Variants in PIBF1 observed in about 807,000 individuals in gnomAD.
The protein encoded by PIBF1 is progesterone immunomodulatory binding factor 1, also known as progesterone-induced-blocking factor 1.
A neutral mutation model predicts 112.5 loss-of-function variants in PIBF1; 90 were observed. The observed-to-expected ratio is 0.80, with a 90% CI of 0.67 to 0.95. PIBF1 has a LOEUF of 0.95. Among genes scored for constraint, PIBF1 ranks in the 40% least tolerant of loss-of-function variants. The probability of loss-of-function intolerance (pLI) is 0.00; values close to 1 mark genes in which losing one functional copy is unlikely to be tolerated. For synonymous variants in PIBF1, 301 were observed against 288.6 expected, an observed-to-expected ratio of 1.04 and a Z score of -0.44; for missense variants, 915 against 852.3, an observed-to-expected ratio of 1.07 and a Z score of -0.92.
chr13:72,949,803 T>A (rs536727256), intron 14 of PIBF1, among the ~76,000 whole-genome samples: 1 of 152,352 alleles, frequency 6.6e-6, no homozygotes, highest in Non-Finnish European at 1.5e-5. Flanking sequence ...ATTATTTTTT[T>A]AACACTGTTT....
At chr13:72,814,058 G>T (rs1233405197) in intron 5 of PIBF1, among the ~76,000 whole-genome samples, 1 of 152,124 alleles carries the variant, frequency 6.6e-6, no homozygotes, top group East Asian at 1.9e-4. Context: ...ACAGTGTTCT[G>T]TTAAAAGAAA....
intron 14 of PIBF1, among the ~76,000 whole-genome samples, chr13:72,942,610 A>T (rs1392634640): frequency 6.6e-6 from 1 of 152,222 alleles, no homozygotes; most frequent in Non-Finnish European, 1.5e-5. Flanking sequence ...AACAGCAATT[A>T]TAAGATGTAT....
At chr13:72,884,259 T>G (rs2039757557) in intron 10 of PIBF1, among the ~76,000 whole-genome samples, 1 of 152,228 alleles carries the variant, frequency 6.6e-6, no homozygotes, top group Non-Finnish European at 1.5e-5. Context: ...CTACACACCC[T>G]GATAGGCATC....
chr13:72,968,856 C>T (rs1323759906), intron 15 of PIBF1, among the ~76,000 whole-genome samples: 1 of 151,660 alleles, frequency 6.6e-6, no homozygotes, highest in Non-Finnish European at 1.5e-5. Flanking sequence ...ATGGCAAAAC[C>T]ATGTTTGGTT....
intron 14 of PIBF1, among the ~76,000 whole-genome samples, chr13:72,947,978 A>G (rs1374123068): frequency 6.6e-6 from 1 of 152,026 alleles, no homozygotes; most frequent in Non-Finnish European, 1.5e-5. Context: ...TAACACAGGA[A>G]CAGAAAACCA....
chr13:72,820,405 G>A (rs1296708253), intron 5 of PIBF1, among the ~76,000 whole-genome samples: 1 of 152,088 alleles, frequency 6.6e-6, no homozygotes, highest in Non-Finnish European at 1.5e-5. Context: ...TGATCTTTCG[G>A]GAGGTGATAG....
At chr13:72,930,667 C>A (rs779809198) in intron 13 of PIBF1, among the ~76,000 whole-genome samples, 1 of 152,010 alleles carries the variant, frequency 6.6e-6, no homozygotes, top group Non-Finnish European at 1.5e-5. Context: ...TTTTATATAT[C>A]TTTTTCATCT....
intron 9 of PIBF1, among the ~76,000 whole-genome samples, chr13:72,837,845 G>A (rs748693964): frequency 2.6e-5 from 4 of 152,004 alleles, no homozygotes; most frequent in Admixed American, 6.6e-5. Context: ...ATTTGCTTTT[G>A]CACTTAGTTG....
intron 10 of PIBF1, among the ~76,000 whole-genome samples, chr13:72,861,032 G>A (rs967171616): frequency 8.5e-5 from 13 of 152,074 alleles, no homozygotes; most frequent in African/African-American, 3.1e-4. Flanking sequence ...TGTTACATTC[G>A]TGGGCTACTA....
intron 9 of PIBF1, among the ~76,000 whole-genome samples, chr13:72,845,993 C>T (rs1485386813): frequency 6.6e-6 from 1 of 152,152 alleles, no homozygotes; most frequent in Non-Finnish European, 1.5e-5. Context: ...CTCCTGGGAA[C>T]ACAATCTTTA....
intron 5 of PIBF1, among the ~76,000 whole-genome samples, chr13:72,815,433 A>G (rs2036221489): frequency 6.6e-6 from 1 of 152,230 alleles, no homozygotes; most frequent in African/African-American, 2.4e-5. Context: ...CATCTCTAGC[A>G]AGAAAAGAAA....
intron 13 of PIBF1, among the ~76,000 whole-genome samples, chr13:72,928,053 A>G (rs1003964981): frequency 6.9e-6 from 1 of 145,124 alleles, no homozygotes; most frequent in Non-Finnish European, 1.5e-5. Context: ...ATACATATAT[A>G]TATGAGGAAA....
chr13:72,926,971 AT>A (rs2041504593), intron 13 of PIBF1, among the ~76,000 whole-genome samples: 1 of 151,624 alleles, frequency 6.6e-6, no homozygotes, highest in African/African-American at 2.4e-5. Context: ...GTTCATGAAT[AT>A]TTTTCGAATG....
intron 17 of PIBF1, among the ~76,000 whole-genome samples, chr13:73,005,232 A>G (rs2043994751): frequency 6.6e-6 from 1 of 152,000 alleles, no homozygotes; most frequent in African/African-American, 2.4e-5. Flanking sequence ...ATTTTACCAC[A>G]ATCTTCTTTT....
chr13:72,818,463 C>T (rs933642364), intron 5 of PIBF1, among the ~76,000 whole-genome samples: 2 of 152,054 alleles, frequency 1.3e-5, no homozygotes, highest in Non-Finnish European at 2.9e-5. Flanking sequence ...TCTTATAGCC[C>T]ACATTTGGTT....
At chr13:72,940,833 A>G (rs1387676017) in intron 14 of PIBF1, among the ~76,000 whole-genome samples, 2 of 152,190 alleles carry the variant, frequency 1.3e-5, no homozygotes, top group Non-Finnish European at 2.9e-5. Context: ...TGCCTTGCCC[A>G]TGTTCACTTC....
intron 17 of PIBF1, among the ~76,000 whole-genome samples, chr13:73,001,581 A>ATTTTTTTTTTTTTTTTTTT (rs1491176240): frequency 4.2e-4 from 1 of 2,390 alleles, no homozygotes. Context: ...TAAGAGCTTG[A>ATTTTTTTTTTTTTTTTTTT]CTTTTTTTTT....
At chr13:72,928,220 C>T (rs764625692) in intron 13 of PIBF1, among the ~76,000 whole-genome samples, 4 of 151,388 alleles carry the variant, frequency 2.6e-5, no homozygotes, top group Non-Finnish European at 5.9e-5. Context: ...CGGTCCTTCC[C>T]GTCACCATCA....
At position 72,796,649 on chromosome 13, in the gene PIBF1, G is replaced by GTT. The variant is rs35878064; in HGVS notation, c.552+1107_552+1108dup. 1.8e-4 allele frequency among the ~76,000 whole-genome samples: 25 copies of GTT among 138,984 alleles called. 3 individuals carry two copies. The highest frequency in any genetic ancestry group is 7.2e-4 in the Admixed American group (10 of 13,836). 91.2% of individuals were successfully genotyped at this position (138,984 alleles called of 152,430 possible). On this transcript the variant is annotated intron_variant, in intron 4 of 17. Coordinates refer to ENST00000326291, the MANE Select transcript of PIBF1 (RefSeq NM_006346.4). ...AATGAAGTTACTTTTTTGTTCAGCT[G>GTT]TTTTTTTTTTTTTTTTAAAAGGCTC...
Sources: gnomAD v4.1 joint callset for allele counts (sites outside exome capture counted in the v4.1 genomes callset) on GRCh38, gnomAD v4.1.1 for gene constraint, MANE v1.5 for transcripts, NCBI Gene and HGNC (gene_info 2026-07-23, HGNC 2026-07-21) for gene names.